DAB1: variants seen among roughly 807,000 people sequenced by gnomAD.
The protein encoded by DAB1 is DAB adaptor protein 1.
Under a neutral mutation model 64.6 loss-of-function variants are expected in DAB1, and 15 were observed. That is an observed-to-expected ratio of 0.23 (90% CI 0.16 to 0.36). The LOEUF (loss-of-function observed/expected upper bound fraction) is 0.36. Ranked by LOEUF, DAB1 falls within the 10% of genes least tolerant of loss-of-function variation. DAB1 has a pLI of 1.00. For synonymous variants in DAB1, 235 were observed against 251.9 expected, an observed-to-expected ratio of 0.93 and a Z score of 0.64; for missense variants, 596 against 706.7, an observed-to-expected ratio of 0.84 and a Z score of 1.78.
At chr1:57,393,729 C>T (rs949029991) in intron 1 of DAB1, among the ~76,000 whole-genome samples, 1 of 152,044 alleles carries the variant, frequency 6.6e-6, no homozygotes, top group Non-Finnish European at 1.5e-5. Context: ...TCTGGATGGG[C>T]AATTGCTGTT....
chr1:58,281,275 C>G (rs574387376), intron 4 of DAB1, among the ~76,000 whole-genome samples: 2 of 151,738 alleles, frequency 1.3e-5, no homozygotes, highest in Admixed American at 1.3e-4. Flanking sequence ...GGAGCCCCCA[C>G]CCCCACCAAA....
At chr1:57,685,037 A>G (rs1646679424) in intron 6 of DAB1, among the ~76,000 whole-genome samples, 1 of 151,206 alleles carries the variant, frequency 6.6e-6, no homozygotes, top group Non-Finnish European at 1.5e-5. Context: ...ACTGCAACCT[A>G]TGCCTCCCAG....
At chr1:58,496,817 T>C (rs2100394114) in intron 3 of DAB1, among the ~76,000 whole-genome samples, 1 of 152,334 alleles carries the variant, frequency 6.6e-6, no homozygotes, top group Middle Eastern at 3.4e-3. Flanking sequence ...TTGGCTGGTC[T>C]GAGTTCTAAA....
intron 5 of DAB1, chr1:58,074,562 GTGTATA>G (rs1222353863): frequency 1.0e-4 from 4 of 39,042 alleles, no homozygotes; most frequent in African/African-American, 4.7e-4. Context: ...ATATATATGT[GTGTATA>G]TATATATATA....
At chr1:58,064,822 C>A (rs1248068947) in intron 5 of DAB1, among the ~76,000 whole-genome samples, 1 of 152,114 alleles carries the variant, frequency 6.6e-6, no homozygotes, top group Non-Finnish European at 1.5e-5. Context: ...CCCGGGTTCA[C>A]GCCATTCTTC....
chr1:58,337,623 A>G (rs998567311), intron 4 of DAB1, among the ~76,000 whole-genome samples: 1 of 152,224 alleles, frequency 6.6e-6, no homozygotes, highest in Non-Finnish European at 1.5e-5. Context: ...AGTGAGAATA[A>G]CAGTTTGAGG....
intron 5 of DAB1, among the ~76,000 whole-genome samples, chr1:58,000,040 A>C (rs1187987): frequency 0.51 from 76,233 of 150,538 alleles, 19,698 homozygotes; most frequent in South Asian, 0.68. Flanking sequence ...GAGGGAGGAA[A>C]GGAGTGAGAA....
At chr1:58,523,543 G>C (rs957561989) in intron 2 of DAB1, among the ~76,000 whole-genome samples, 1 of 152,104 alleles carries the variant, frequency 6.6e-6, no homozygotes, top group Admixed American at 6.5e-5. Flanking sequence ...AGACCATTTG[G>C]ACGCCTTCAG....
chr1:57,062,527 C>T (rs1394140085), intron 9 of DAB1, among the ~76,000 whole-genome samples: 1 of 152,134 alleles, frequency 6.6e-6, no homozygotes, highest in Non-Finnish European at 1.5e-5. Context: ...CTATTAGATA[C>T]CATAATACTG....
chr1:57,297,553 G>A (rs978644478), intron 1 of DAB1, among the ~76,000 whole-genome samples: 1 of 151,880 alleles, frequency 6.6e-6, no homozygotes, highest in African/African-American at 2.4e-5. Flanking sequence ...TACATACATA[G>A]AGAGAAAACA....
intron 4 of DAB1, among the ~76,000 whole-genome samples, chr1:58,248,145 G>A (rs1335304919): frequency 1.3e-5 from 2 of 152,094 alleles, no homozygotes; most frequent in Non-Finnish European, 2.9e-5. Context: ...CATTTTGAGG[G>A]AGGTGGGTGA....
chr1:57,384,728 G>A (rs142731945), intron 1 of DAB1, among the ~76,000 whole-genome samples: 133 of 152,228 alleles, frequency 8.7e-4, no homozygotes, highest in African/African-American at 3.0e-3. Context: ...GGAACTGGGA[G>A]GTGGAGGGAA....
chr1:57,818,820 C>A (rs534550443), intron 6 of DAB1, among the ~76,000 whole-genome samples: 1 of 150,786 alleles, frequency 6.6e-6, no homozygotes, highest in Non-Finnish European at 1.5e-5. Context: ...ATATGGTTAA[C>A]GGGGCAATTA....
At chr1:58,117,624 G>C (rs1362634658) in intron 5 of DAB1, among the ~76,000 whole-genome samples, 2 of 152,128 alleles carry the variant, frequency 1.3e-5, no homozygotes, top group Non-Finnish European at 2.9e-5. Flanking sequence ...CTGTCACACA[G>C]AATCAATGAA....
In DAB1 at chr1:58,117,322, T is replaced by C. The variant is rs10493243; in HGVS notation, n.387+33189A>G. ...TTTGCATTTGTTCTTCAGGACAATA[T>C]GTGAAAGAGGCAGAATCAGAATAAT... On this transcript the variant is annotated intron_variant and non_coding_transcript_variant, in intron 5 of 20. Coordinates refer to the DAB1 transcript ENST00000485760. Among the ~76,000 whole-genome samples the C allele has an allele frequency of 6.8e-3, 1,035 of 152,324 alleles. 45 individuals are homozygous for C. In the South Asian group the frequency reaches 0.096, roughly 14 times the overall value.
intron 3 of DAB1, among the ~76,000 whole-genome samples, chr1:58,417,325 G>A (rs996994396): frequency 6.6e-6 from 1 of 152,242 alleles, no homozygotes; most frequent in Non-Finnish European, 1.5e-5. Context: ...CCAGGGGCGG[G>A]ATCTTGGGAG....
At chr1:57,748,338 C>T (rs1648384294) in intron 6 of DAB1, among the ~76,000 whole-genome samples, 1 of 152,208 alleles carries the variant, frequency 6.6e-6, no homozygotes, top group African/African-American at 2.4e-5. Flanking sequence ...GACTCTCCCA[C>T]TTGGGAGCAT....
At chr1:58,267,189 C>G (rs1179451955) in intron 4 of DAB1, among the ~76,000 whole-genome samples, 1 of 152,082 alleles carries the variant, frequency 6.6e-6, no homozygotes, top group Non-Finnish European at 1.5e-5. Flanking sequence ...CACTGCACTC[C>G]AGCCTGGGCG....
At chr1:57,318,270 C>A (rs1675391725) in intron 1 of DAB1, among the ~76,000 whole-genome samples, 1 of 151,844 alleles carries the variant, frequency 6.6e-6, no homozygotes. Context: ...AAACCAACCA[C>A]ACAATTCAGG....
Sources: gnomAD v4.1 joint callset for allele counts (sites outside exome capture counted in the v4.1 genomes callset) on GRCh38, gnomAD v4.1.1 for gene constraint, MANE v1.5 for transcripts, NCBI Gene and HGNC (gene_info 2026-07-23, HGNC 2026-07-21) for gene names.